The following ARHGAP20 variants were observed in gnomAD, a reference collection of about 807,000 sequenced individuals.
The protein encoded by ARHGAP20 is rho GTPase-activating protein 20.
Under a neutral mutation model 73.7 loss-of-function variants are expected in ARHGAP20, and 34 were observed. That is an observed-to-expected ratio of 0.46 (90% CI 0.35 to 0.61). The LOEUF (loss-of-function observed/expected upper bound fraction) is 0.61, where lower values mean the gene tolerates loss of function less well. ARHGAP20 is among the 20% of genes least tolerant of loss of function. ARHGAP20 has a pLI of 0.00. For missense variants in ARHGAP20, 1,314 were observed against 1,420.9 expected (o/e 0.92, Z 1.21); for synonymous variants, 523 against 518.2 (o/e 1.01, Z -0.13).
At chr11:110,633,231 G>C (rs1948894540) in intron 2 of ARHGAP20, among the ~76,000 whole-genome samples, 1 of 152,048 alleles carries the variant, frequency 6.6e-6, no homozygotes, top group Non-Finnish European at 1.5e-5. Context: ...CCAAAGACTT[G>C]GTGCTTACTT....
intron 10 of ARHGAP20, 137 bp downstream of exon 10, chr11:110,591,840 G>A (rs1947835715): frequency 1.1e-6 from 1 of 879,488 alleles, no homozygotes; most frequent in African/African-American, 1.7e-5. Flanking sequence ...TTTGTTATTT[G>A]GAGGAATAAT....
intron 2 of ARHGAP20, among the ~76,000 whole-genome samples, chr11:110,632,888 T>C (rs905968206): frequency 5.3e-5 from 8 of 151,930 alleles, no homozygotes; most frequent in African/African-American, 1.9e-4. Flanking sequence ...TTCCAGTCCT[T>C]TGGCAGGTTA....
In ARHGAP20 at chr11:110,711,039, C is replaced by A. The variant is rs45618834; in HGVS notation, c.105+1088G>T. ...AAAAAAAGGCAAAATATCGGAAAGTCTTATGCTGGAAGCGGGGGTGGGGAG... is the reference window on the plus strand; with the variant it reads ...AAAAAAAGGCAAAATATCGGAAAGTATTATGCTGGAAGCGGGGGTGGGGAG... On this transcript the variant is annotated intron_variant, in intron 1 of 14. Coordinates refer to ENST00000683387, the MANE Select transcript of ARHGAP20 (RefSeq NM_001384657.1). Among the ~76,000 whole-genome samples, 1,370 of 144,722 alleles carry A rather than the reference C, an allele frequency of 9.5e-3. 7 individuals are homozygous for A. Among genetic ancestry groups the A allele is most frequent in the Non-Finnish European group, 0.015 (979 of 66,664 alleles). The allele number at this position is 144,722 out of a possible 152,430, so 94.9% of individuals were successfully genotyped here. A position where few individuals can be genotyped will look rare whatever the true frequency, so the allele number is the denominator to read the frequency against.
At chr11:110,631,370 T>C (rs1020864204) in intron 2 of ARHGAP20, among the ~76,000 whole-genome samples, 3 of 152,212 alleles carry the variant, frequency 2.0e-5, no homozygotes, top group Non-Finnish European at 4.4e-5. Context: ...TAACCAAATA[T>C]AGTCTCTATG....
At chr11:110,643,195 A>T (rs1949112098) in intron 2 of ARHGAP20, among the ~76,000 whole-genome samples, 1 of 151,998 alleles carries the variant, frequency 6.6e-6, no homozygotes, top group Non-Finnish European at 1.5e-5. Flanking sequence ...GCAGTCTCTC[A>T]ATCTTGTTTA....
At chr11:110,687,035 C>CATATATATATATATATATGTGTCTAT (rs1950146476) in intron 2 of ARHGAP20, among the ~76,000 whole-genome samples, 1 of 121,998 alleles carries the variant, frequency 8.2e-6, no homozygotes, top group South Asian at 3.0e-4. Context: ...AAGATTAAAA[C>CATATATATATATATATATGTGTCTAT]ATATATATAT....
chr11:110,681,480 T>TC, intron 2 of ARHGAP20, among the ~76,000 whole-genome samples: 1 of 152,232 alleles, frequency 6.6e-6, no homozygotes, highest in Middle Eastern at 3.4e-3. Flanking sequence ...ATCTGAAAGG[T>TC]CCACACTAAA....
At chr11:110,668,228 T>A (rs1949762161) in intron 2 of ARHGAP20, among the ~76,000 whole-genome samples, 1 of 152,136 alleles carries the variant, frequency 6.6e-6, no homozygotes. Flanking sequence ...GCAACCACCA[T>A]CCTTATTAGT....
In ARHGAP20 at chr11:110,656,160, G is replaced by T. The variant is rs566245534; in HGVS notation, c.189-25368C>A. Among the ~76,000 whole-genome samples the T allele has an allele frequency of 3.9e-5, 6 of 152,154 alleles. No individual in the cohort carries two copies. The South Asian group carries it at 8.3e-4, about 21-fold the overall frequency. The stretch of plus-strand genomic sequence containing the variant: ...CTAAACACTAGGACTATGTGGAGGG[G>T]GTGGGAGGAGTCTCTTGTAGCTACT... On this transcript the variant is annotated intron_variant, in intron 2 of 14. Transcript: ENST00000683387.
intron 2 of ARHGAP20, among the ~76,000 whole-genome samples, chr11:110,660,220 T>C (rs747631365): frequency 6.6e-6 from 1 of 152,134 alleles, no homozygotes; most frequent in South Asian, 2.1e-4. Flanking sequence ...TCGGCGTTTC[T>C]AACTTGTTCC....
intron 2 of ARHGAP20, among the ~76,000 whole-genome samples, chr11:110,665,343 T>C (rs983414404): frequency 1.3e-5 from 2 of 151,944 alleles, no homozygotes; most frequent in African/African-American, 2.4e-5. Context: ...AAGGAAATAA[T>C]GAAGAATGAA....
chr11:110,664,735 A>G (rs978524084), intron 2 of ARHGAP20, among the ~76,000 whole-genome samples: 2 of 144,522 alleles, frequency 1.4e-5, no homozygotes. Context: ...CTCAAAAAAA[A>G]AAAAAAAAAA....
At chr11:110,660,896 G>A (rs143984129) in intron 2 of ARHGAP20, among the ~76,000 whole-genome samples, 2 of 151,930 alleles carry the variant, frequency 1.3e-5, no homozygotes, top group African/African-American at 4.8e-5. Context: ...AACACTACTT[G>A]CTCTGTAACC....
At chr11:110,701,341 G>A (rs1425978888) in intron 1 of ARHGAP20, among the ~76,000 whole-genome samples, 1 of 151,426 alleles carries the variant, frequency 6.6e-6, no homozygotes, top group African/African-American at 2.4e-5. Flanking sequence ...GGCCAGTGAT[G>A]GTGAGCATTT....
intron 11 of ARHGAP20, among the ~76,000 whole-genome samples, chr11:110,588,151 T>C (rs990731415): frequency 1.3e-5 from 2 of 152,166 alleles, no homozygotes; most frequent in Non-Finnish European, 2.9e-5. Context: ...GAATAACAAG[T>C]TACGAAATAC....
intron 9 of ARHGAP20, among the ~76,000 whole-genome samples, chr11:110,597,294 T>TAAAA (rs35017824): frequency 6.7e-4 from 95 of 142,640 alleles, no homozygotes; most frequent in African/African-American, 2.3e-3. Flanking sequence ...ATAATAAAAT[T>TAAAA]AAAAAAAAAA....
chr11:110,697,070 A>C (rs1168828557), intron 1 of ARHGAP20, among the ~76,000 whole-genome samples: 4 of 151,566 alleles, frequency 2.6e-5, no homozygotes, highest in African/African-American at 7.2e-5. Flanking sequence ...AGATGTCTTT[A>C]TAACATAATG....
At chr11:110,590,549 G>T in intron 11 of ARHGAP20, 99 bp downstream of exon 11, 2 of 1,227,396 alleles carry the variant, frequency 1.6e-6, no homozygotes, top group African/African-American at 1.5e-5. Flanking sequence ...ATCTATTATG[G>T]GTCTTTGCAA....
chr11:110,586,677 G>A (rs958289680), intron 11 of ARHGAP20, among the ~76,000 whole-genome samples: 2 of 152,148 alleles, frequency 1.3e-5, no homozygotes, highest in Non-Finnish European at 2.9e-5. Flanking sequence ...TAGACAGCTA[G>A]TTCAAGGAAA....
Sources: allele counts gnomAD v4.1 joint callset (sites outside exome capture counted in the v4.1 genomes callset), GRCh38; gene constraint gnomAD v4.1.1; transcripts MANE v1.5; gene names NCBI Gene and HGNC (gene_info 2026-07-23, HGNC 2026-07-21).